Variants in ANXA11 observed in about 807,000 individuals in gnomAD.
ANXA11 encodes the protein 56 kDa autoantigen.
Under a neutral mutation model 64.7 loss-of-function variants are expected in ANXA11, and 57 were observed. That is an observed-to-expected ratio of 0.88 (90% CI 0.71 to 1.10). The LOEUF (loss-of-function observed/expected upper bound fraction) is 1.10. ANXA11 is among the 50% of genes least tolerant of loss of function. The probability of loss-of-function intolerance (pLI) is 0.00; values close to 1 mark genes in which losing one functional copy is unlikely to be tolerated. For missense variants in ANXA11, 675 were observed against 670.7 expected (o/e 1.01, Z -0.07); for synonymous variants, 260 against 265.2 (o/e 0.98, Z 0.19).
chr10:80,198,776 G>A (rs977920690), intron 1 of ANXA11, among the ~76,000 whole-genome samples: 5 of 152,104 alleles, frequency 3.3e-5, no homozygotes, highest in Non-Finnish European at 7.4e-5. Context: ...AGAGAGACGG[G>A]GCTCCTCTCT....
chr10:80,187,057 A>T (rs763738443), intron 1 of ANXA11, among the ~76,000 whole-genome samples: 10 of 152,260 alleles, frequency 6.6e-5, no homozygotes, highest in Admixed American at 2.0e-4. Context: ...ATGGGCACTC[A>T]GGTCCTGGAG....
Position 80,166,064 on chromosome 10 carries a change from A to ACT in ANXA11, c.858+19_858+20insAG. On this transcript the variant is annotated intron_variant, in intron 8 of 15. Transcript: ENST00000422982. ...CGCGCACACACACACACACACACAC[A>ACT]CACACACACACGTACACACCTTGAT... 1 of 1,155,522 alleles carries ACT rather than the reference A, an allele frequency of 8.7e-7. No individual in the cohort carries two copies. Among genetic ancestry groups the ACT allele is most frequent in the Non-Finnish European group, 1.3e-6 (1 of 783,010 alleles). The allele number at this position is 1,155,522 out of a possible 1,614,324, so 71.6% of individuals were successfully genotyped here.
Position 80,155,440 on chromosome 10 carries a change from G to T in ANXA11, c.*413C>A. 1 of 176,526 alleles carries T rather than the reference G, an allele frequency of 5.7e-6. No individual in the cohort carries two copies. The highest frequency in any genetic ancestry group is 2.4e-5 in the African/African-American group (1 of 42,278). 10.9% of individuals were successfully genotyped at this position (176,526 alleles called of 1,614,324 possible). On this transcript the variant is annotated 3_prime_UTR_variant, in exon 16 of 16. Transcript: ENST00000422982. Reference sequence around the variant, plus strand: ...GACACGGTGCTTCACCCACCCAGTCGCCCTCACCAGAAATGTGTATGCAGC... The same window carrying T: ...GACACGGTGCTTCACCCACCCAGTCTCCCTCACCAGAAATGTGTATGCAGC...
chr10:80,171,178 G>C, intron 3 of ANXA11: 3 of 1,328,376 alleles, frequency 2.3e-6, no homozygotes, highest in Non-Finnish European at 2.9e-6. Flanking sequence ...GGGGTATTAA[G>C]GAGGCTGGGA....
At chr10:80,194,956 T>C (rs973673968) in intron 1 of ANXA11, among the ~76,000 whole-genome samples, 4 of 152,216 alleles carry the variant, frequency 2.6e-5, no homozygotes, top group African/African-American at 9.6e-5. Context: ...AGTAGAGGTT[T>C]ACCAGGGCCC....
chr10:80,155,841 AC>A lies in ANXA11; in HGVS notation c.*11del. 6.2e-7 allele frequency: 1 copy of A among 1,613,940 alleles called. No individual in the cohort carries two copies. The highest frequency in any genetic ancestry group is 1.1e-5 in the South Asian group (1 of 91,078). Reference sequence around the variant, plus strand: ...GCCGGCAGGTGGGCAGAAGTGAGCCACCAGTCACTGTTCAGTCATTGCCACC... The same window carrying A: ...GCCGGCAGGTGGGCAGAAGTGAGCCACAGTCACTGTTCAGTCATTGCCACC... On this transcript the variant is annotated 3_prime_UTR_variant, in exon 16 of 16. Coordinates refer to ENST00000422982, the MANE Select transcript of ANXA11 (RefSeq NM_145868.2).
intron 12 of ANXA11, among the ~76,000 whole-genome samples, chr10:80,160,613 C>T (rs1209468762): frequency 2.0e-5 from 3 of 152,038 alleles, no homozygotes; most frequent in Admixed American, 1.3e-4. Context: ...CGTCCTCCTC[C>T]CTCCCTAGCT....
intron 3 of ANXA11, among the ~76,000 whole-genome samples, chr10:80,171,452 G>C (rs1055352578): frequency 1.3e-5 from 2 of 152,228 alleles, no homozygotes; most frequent in African/African-American, 4.8e-5. Context: ...TCCACAAGAG[G>C]ACAGGAAGAA....
intron 1 of ANXA11, among the ~76,000 whole-genome samples, chr10:80,197,503 G>A (rs886879759): frequency 1.3e-5 from 2 of 152,130 alleles, no homozygotes; most frequent in African/African-American, 4.8e-5. Flanking sequence ...CAGCCACGGA[G>A]ACCGAACATC....
intron 1 of ANXA11, among the ~76,000 whole-genome samples, chr10:80,176,959 AT>A (rs1846191946): frequency 1.3e-5 from 2 of 150,054 alleles, no homozygotes; most frequent in African/African-American, 4.9e-5. Context: ...TCTGCCTGAA[AT>A]AGTTTCAAGC....
Position 80,152,573 on chromosome 10 carries a change from G to C in ANXA11, c.*3280C>G, listed in dbSNP as rs1845175602. 2 of 152,494 alleles carry C rather than the reference G, an allele frequency of 1.3e-5. No homozygotes were observed. Among genetic ancestry groups the C allele is most frequent in the Admixed American group, 6.5e-5 (1 of 15,280 alleles). The allele number at this position is 152,494 out of a possible 1,614,324, so 9.4% of individuals were successfully genotyped here. A position where few individuals can be genotyped will look rare whatever the true frequency, so the allele number is the denominator to read the frequency against. On this transcript the variant is annotated 3_prime_UTR_variant, in exon 16 of 16. Coordinates refer to ENST00000422982, the MANE Select transcript of ANXA11 (RefSeq NM_145868.2). ...TGCTGAGGTTCGAGGGGACTGGGTG[G>C]ATGGGCGATAGCTGAAAGAAAACCT...
intron 7 of ANXA11, 70 bp from the exon 8 acceptor site, chr10:80,166,267 G>A (rs1271706700): frequency 1.1e-5 from 10 of 902,678 alleles, no homozygotes; most frequent in Non-Finnish European, 1.7e-5. Flanking sequence ...CACAGGAAGT[G>A]ACTAATAAGA....
Position 80,163,425 on chromosome 10 carries a change from T to C in ANXA11, c.1030-20A>G. 1 of 1,614,080 alleles carries C rather than the reference T, an allele frequency of 6.2e-7. No homozygotes were observed. On this transcript the variant is annotated intron_variant, in intron 10 of 15. Transcript: ENST00000422982. Reference sequence around the variant, plus strand: ...GTTTCCCTGAAAGGAAGCAGGTGTATGGTCATGCCCACTCCTTCCCCATTT... The same window carrying C: ...GTTTCCCTGAAAGGAAGCAGGTGTACGGTCATGCCCACTCCTTCCCCATTT...
At chr10:80,174,897 T>A (rs1330819210) in intron 2 of ANXA11, among the ~76,000 whole-genome samples, 1 of 152,204 alleles carries the variant, frequency 6.6e-6, no homozygotes. Context: ...TTCCTTAAGG[T>A]ACCACCGGTC....
Position 80,169,111 on chromosome 10 carries a change from G to T in ANXA11, c.419C>A (p.Pro140His). 6.5e-7 allele frequency: 1 copy of T among 1,538,940 alleles called. No homozygotes were observed. Among genetic ancestry groups the T allele is most frequent in the Non-Finnish European group, 8.7e-7 (1 of 1,148,690 alleles). ...GQPMPPPGQQ[P>H]PGAYPGQPPV... Reference sequence around the variant, plus strand: ...TGGCTGCCCAGGGTAGGCCCCTGGGGGCTGCTGTCCGGGGGGTGGCATGGG... The same window carrying T: ...TGGCTGCCCAGGGTAGGCCCCTGGGTGCTGCTGTCCGGGGGGTGGCATGGG... Residue 140 changes from proline (P) to histidine (H), a missense_variant, in exon 5 of 16, where the codon CCC (proline) becomes CAC (histidine). Pro to His is a moderately conservative substitution (Grantham distance 77). Transcript: ENST00000422982.
intron 12 of ANXA11, among the ~76,000 whole-genome samples, chr10:80,159,464 G>A (rs568343281): frequency 3.9e-5 from 6 of 152,310 alleles, no homozygotes; most frequent in Non-Finnish European, 1.5e-5. Context: ...TGATTGTCAC[G>A]AAGAGGCCAC....
intron 1 of ANXA11, among the ~76,000 whole-genome samples, chr10:80,197,395 C>G (rs543346021): frequency 3.9e-5 from 6 of 152,328 alleles, no homozygotes; most frequent in East Asian, 1.9e-4. Context: ...TCCATAGGAG[C>G]CTTATGACCC....
intron 12 of ANXA11, among the ~76,000 whole-genome samples, 179 bp from the exon 13 acceptor site, chr10:80,159,374 C>A (rs886862708): frequency 1.3e-5 from 2 of 152,142 alleles, no homozygotes; most frequent in Admixed American, 6.5e-5. Context: ...CGCCTGGTCT[C>A]CTTAGAAGAA....
chr10:80,164,500 G>A (rs1020896951), intron 8 of ANXA11, among the ~76,000 whole-genome samples: 7 of 152,194 alleles, frequency 4.6e-5, no homozygotes. Flanking sequence ...GAAGCGAGAT[G>A]ACAACAACTG....
Sources: allele counts gnomAD v4.1 joint callset (sites outside exome capture counted in the v4.1 genomes callset), GRCh38; gene constraint gnomAD v4.1.1; transcripts MANE v1.5; gene names NCBI Gene and HGNC (gene_info 2026-07-23, HGNC 2026-07-21).